The following SPIDR variants were observed in gnomAD, a reference collection of about 807,000 sequenced individuals.
SPIDR encodes the protein DNA repair-scaffolding protein.
SPIDR carries 93 observed loss-of-function variants against 104.6 expected under a neutral mutation model. That is an observed-to-expected ratio of 0.89 (90% confidence interval 0.75 to 1.06). SPIDR has a LOEUF of 1.06. Among genes scored for constraint, SPIDR ranks in the 50% least tolerant of loss-of-function variants. SPIDR has a pLI of 0.00. For missense variants in SPIDR, 1,154 were observed against 1,111.2 expected (o/e 1.04, Z -0.55); for synonymous variants, 431 against 416.9 (o/e 1.03, Z -0.41).
At chr8:47,512,307 G>A (rs1481995845) in intron 8 of SPIDR, among the ~76,000 whole-genome samples, 1 of 152,146 alleles carries the variant, frequency 6.6e-6, no homozygotes, top group Non-Finnish European at 1.5e-5. Context: ...CTCTTGTGTT[G>A]TTCGTCTCAC....
chr8:47,398,083 G>A (rs192192480), intron 6 of SPIDR, among the ~76,000 whole-genome samples: 97 of 152,294 alleles, frequency 6.4e-4, no homozygotes, highest in African/African-American at 2.0e-3. Context: ...TGCCCAAAGC[G>A]AAGAAGTTGT....
rs144408471 is a variant in SPIDR at position 47,625,005 on chromosome 8, C to T, written c.1544+25809C>T. Among the ~76,000 whole-genome samples the T allele has an allele frequency of 4.6e-3, 693 of 152,244 alleles. 8 individuals carry two copies. The highest frequency in any genetic ancestry group is 0.015 in the African/African-American group (626 of 41,538). On this transcript the variant is annotated intron_variant, in intron 10 of 19. Transcript: ENST00000297423. ...AATCCTCAATAAAATACTGGCAAAT[C>T]GAATCCAGCAGCACCTCAAAAAGCT... is the stretch of plus-strand genomic sequence containing the variant.
chr8:47,462,965 T>C (rs781854606), intron 8 of SPIDR, among the ~76,000 whole-genome samples: 1 of 152,134 alleles, frequency 6.6e-6, no homozygotes, highest in Admixed American at 6.5e-5. Context: ...CTAGATGAAA[T>C]GTACAATTTT....
chr8:47,412,417 G>T (rs1424021067), intron 7 of SPIDR, among the ~76,000 whole-genome samples: 1 of 152,160 alleles, frequency 6.6e-6, no homozygotes, highest in Non-Finnish European at 1.5e-5. Context: ...AGGCATATTG[G>T]TTGGAAAGGC....
At chr8:47,584,281 T>C (rs954007377) in intron 8 of SPIDR, among the ~76,000 whole-genome samples, 4 of 152,208 alleles carry the variant, frequency 2.6e-5, no homozygotes, top group Non-Finnish European at 5.9e-5. Flanking sequence ...TGTAGTTATC[T>C]TTGGGGGATA....
intron 8 of SPIDR, among the ~76,000 whole-genome samples, chr8:47,509,536 G>T (rs1293512657): frequency 6.6e-6 from 1 of 152,116 alleles, no homozygotes; most frequent in Non-Finnish European, 1.5e-5. Context: ...TGGCATTTTG[G>T]CAACTGTGAT....
intron 5 of SPIDR, among the ~76,000 whole-genome samples, chr8:47,297,810 G>A (rs1213984020): frequency 9.9e-5 from 15 of 152,260 alleles, no homozygotes; most frequent in African/African-American, 3.6e-4. Flanking sequence ...TGGCTGCATA[G>A]TATTCCATGG....
At chr8:47,693,035 T>C (rs566698563) in intron 11 of SPIDR, among the ~76,000 whole-genome samples, 1 of 152,240 alleles carries the variant, frequency 6.6e-6, no homozygotes, top group Non-Finnish European at 1.5e-5. Flanking sequence ...ATCACTGCTA[T>C]TCTAATCTTG....
chr8:47,277,641 C>G (rs1057006777), intron 1 of SPIDR, among the ~76,000 whole-genome samples: 78 of 150,974 alleles, frequency 5.2e-4, no homozygotes, highest in African/African-American at 1.7e-3. Flanking sequence ...CAGGTGTGAC[C>G]CATTGTGCCC....
chr8:47,694,194 A>C (rs2079038871), intron 11 of SPIDR, among the ~76,000 whole-genome samples: 1 of 152,262 alleles, frequency 6.6e-6, no homozygotes, highest in African/African-American at 2.4e-5. Flanking sequence ...AACTCAAAAT[A>C]GGATTCCTAT....
intron 8 of SPIDR, among the ~76,000 whole-genome samples, chr8:47,486,164 T>C (rs1474602278): frequency 2.6e-5 from 4 of 152,142 alleles, no homozygotes; most frequent in Admixed American, 6.6e-5. Context: ...TTAAATGACC[T>C]GATTGAGCTG....
At chr8:47,521,624 A>G (rs181250336) in intron 8 of SPIDR, among the ~76,000 whole-genome samples, 7 of 151,396 alleles carry the variant, frequency 4.6e-5, no homozygotes, top group African/African-American at 1.5e-4. Flanking sequence ...GGGTTTCACC[A>G]TGTTGGCCAG....
chr8:47,570,093 T>C (rs2058338994), intron 8 of SPIDR, among the ~76,000 whole-genome samples: 1 of 152,158 alleles, frequency 6.6e-6, no homozygotes, highest in African/African-American at 2.4e-5. Flanking sequence ...GGAATTCATA[T>C]GTAAACCCAA....
intron 8 of SPIDR, among the ~76,000 whole-genome samples, chr8:47,589,508 G>C (rs1026295857): frequency 2.0e-5 from 3 of 151,514 alleles, no homozygotes; most frequent in Non-Finnish European, 2.9e-5. Context: ...CTGGGCAACA[G>C]AGCATGACTC....
chr8:47,453,804 A>G (rs1179154052), intron 8 of SPIDR, among the ~76,000 whole-genome samples: 2 of 152,234 alleles, frequency 1.3e-5, no homozygotes, highest in Non-Finnish European at 2.9e-5. Context: ...CAGCCCCATC[A>G]AAAACTGGGC....
chr8:47,438,284 C>T (rs2068740669), intron 7 of SPIDR, among the ~76,000 whole-genome samples: 1 of 152,184 alleles, frequency 6.6e-6, no homozygotes, highest in African/African-American at 2.4e-5. Context: ...CTGTGCATTG[C>T]TGGGAATGAG....
rs890126898 is a variant in SPIDR, at chr8:47,260,952, C to G, written c.-7C>G. ...GGAGGCGGTGCGCTCAGGCGGCGCT[C>G]CCGGAGATGCCCCGCGGCAGCCGCG... On this transcript the variant is annotated 5_prime_UTR_variant, in exon 1 of 20. Transcript: ENST00000297423. 5.7e-6 allele frequency: 7 copies of G among 1,228,596 alleles called. No individual in the cohort carries two copies. The African/African-American group carries it at 7.8e-5, about 14-fold the overall frequency. 76.1% of individuals were successfully genotyped at this position (1,228,596 alleles called of 1,614,324 possible).
chr8:47,721,638 AT>A (rs1402193571), intron 16 of SPIDR, among the ~76,000 whole-genome samples: 9 of 148,864 alleles, frequency 6.0e-5, no homozygotes, highest in African/African-American at 9.8e-5. Context: ...TGCCCGGCTA[AT>A]TTTTTTTTTG....
chr8:47,399,946 C>T (rs1380598120), intron 6 of SPIDR, among the ~76,000 whole-genome samples: 1 of 152,098 alleles, frequency 6.6e-6, no homozygotes, highest in Non-Finnish European at 1.5e-5. Context: ...GGAGGCAGTT[C>T]GGGACTTCAA....
Sources: gnomAD v4.1 joint callset for allele counts (sites outside exome capture counted in the v4.1 genomes callset) on GRCh38, gnomAD v4.1.1 for gene constraint, MANE v1.5 for transcripts, NCBI Gene and HGNC (gene_info 2026-07-23, HGNC 2026-07-21) for gene names.